RIPOR2: variants seen among roughly 807,000 people sequenced by gnomAD.
RIPOR2 encodes the protein rho family-interacting cell polarization regulator 2.
RIPOR2 carries 39 observed loss-of-function variants against 114.5 expected under a neutral mutation model. That is an observed-to-expected ratio of 0.34 (90% CI 0.26 to 0.44). RIPOR2 has a LOEUF of 0.44. RIPOR2 is among the 20% of genes least tolerant of loss of function. The pLI is 1.00. For missense variants in RIPOR2, 1,007 were observed against 1,255.1 expected (o/e 0.80, Z 2.99); for synonymous variants, 445 against 484.4 (o/e 0.92, Z 1.07).
intron 1 of RIPOR2, among the ~76,000 whole-genome samples, chr6:24,920,981 C>T (rs954645399): frequency 6.6e-6 from 1 of 152,154 alleles, no homozygotes; most frequent in African/African-American, 2.4e-5. Flanking sequence ...TTCCCCTATT[C>T]CCCCATCTTT....
intron 1 of RIPOR2, among the ~76,000 whole-genome samples, chr6:24,885,323 A>C (rs901926406): frequency 1.4e-4 from 22 of 152,126 alleles, no homozygotes; most frequent in Non-Finnish European, 3.2e-4. Context: ...CCTGGGCTCA[A>C]GCGATCCTCC....
intron 1 of RIPOR2, among the ~76,000 whole-genome samples, chr6:24,907,605 A>T (rs1769121711): frequency 6.6e-6 from 1 of 152,206 alleles, no homozygotes; most frequent in South Asian, 2.1e-4. Flanking sequence ...CAGAAGAGGG[A>T]AGAGGACATG....
chr6:25,017,043 G>A (rs1037774818), intron 1 of RIPOR2, among the ~76,000 whole-genome samples: 1 of 152,206 alleles, frequency 6.6e-6, no homozygotes, highest in Non-Finnish European at 1.5e-5. Context: ...GACTGGAACA[G>A]TGTTAAAAGA....
intron 17 of RIPOR2, among the ~76,000 whole-genome samples, chr6:24,829,225 G>A (rs1760455684): frequency 6.6e-6 from 1 of 152,096 alleles, no homozygotes; most frequent in Admixed American, 6.5e-5. Context: ...GAGGCAGGAG[G>A]ATCGCTTGAA....
intron 1 of RIPOR2, among the ~76,000 whole-genome samples, chr6:24,973,654 C>T (rs572429059): frequency 2.6e-5 from 4 of 151,032 alleles, no homozygotes; most frequent in South Asian, 2.1e-4. Context: ...ACATGTTCAT[C>T]ACAGCACCAT....
chr6:24,943,981 C>T (rs1005193626), intron 1 of RIPOR2, among the ~76,000 whole-genome samples: 3 of 151,996 alleles, frequency 2.0e-5, no homozygotes, highest in African/African-American at 2.4e-5. Context: ...ATACTGCAGC[C>T]GCCTAAGTCA....
intron 1 of RIPOR2, among the ~76,000 whole-genome samples, chr6:24,879,730 C>A (rs993459221): frequency 1.3e-5 from 2 of 152,180 alleles, no homozygotes; most frequent in African/African-American, 2.4e-5. Context: ...ACTATTCTTC[C>A]AGCTTCCCCA....
At chr6:24,961,715 C>T (rs1050965111) in intron 1 of RIPOR2, among the ~76,000 whole-genome samples, 10 of 151,866 alleles carry the variant, frequency 6.6e-5, no homozygotes, top group African/African-American at 2.4e-4. Flanking sequence ...ACCTCTGCCT[C>T]CCAGGTTCAA....
At position 24,935,903 on chromosome 6, in the gene RIPOR2, G is replaced by C. The variant is rs1771775270; in HGVS notation, c.-5C>G. Reference sequence around the variant, plus strand: ...CTCAGCATCAAAAAACTGCATCTTGGAGAGGACAGGCGCGAGAAGCAGCAG... The same window carrying C: ...CTCAGCATCAAAAAACTGCATCTTGCAGAGGACAGGCGCGAGAAGCAGCAG... On this transcript the variant is annotated 5_prime_UTR_variant, in exon 1 of 22. Coordinates refer to ENST00000643898, the MANE Select transcript of RIPOR2 (RefSeq NM_001286445.3). 2 of 1,534,652 alleles carry C rather than the reference G, an allele frequency of 1.3e-6. No individual in the cohort carries two copies. Among genetic ancestry groups the C allele is most frequent in the Non-Finnish European group, 1.7e-6 (2 of 1,146,002 alleles).
At chr6:24,942,875 C>G (rs568457034) in intron 1 of RIPOR2, among the ~76,000 whole-genome samples, 20 of 152,280 alleles carry the variant, frequency 1.3e-4, no homozygotes, top group Non-Finnish European at 2.4e-4. Context: ...CCTGTTCACT[C>G]TGATGGTAGT....
At chr6:24,963,397 C>T (rs1370593484) in intron 1 of RIPOR2, among the ~76,000 whole-genome samples, 1 of 152,148 alleles carries the variant, frequency 6.6e-6, no homozygotes, top group African/African-American at 2.4e-5. Context: ...TAATCCACAC[C>T]TAGAAGAGGA....
At chr6:25,002,822 AC>A (rs1775379887) in intron 1 of RIPOR2, among the ~76,000 whole-genome samples, 1 of 152,222 alleles carries the variant, frequency 6.6e-6, no homozygotes, top group South Asian at 2.1e-4. Flanking sequence ...CGTCATGGTG[AC>A]AATTGCCTGA....
intron 1 of RIPOR2, among the ~76,000 whole-genome samples, chr6:25,011,187 G>A (rs1206826893): frequency 6.6e-6 from 1 of 152,028 alleles, no homozygotes; most frequent in Non-Finnish European, 1.5e-5. Context: ...CAGAAATGGT[G>A]GTTACATGTT....
Position 24,828,166 on chromosome 6 carries a change from T to G in RIPOR2, c.2636A>C (p.Glu879Ala), listed in dbSNP as rs1760346995. 4 of 1,550,300 alleles carry G rather than the reference T, an allele frequency of 2.6e-6. No individual in the cohort carries two copies. The East Asian group carries it at 9.8e-5, about 38-fold the overall frequency. The change falls in exon 18 of 22, where the codon GAG becomes GCG. Residue 879 changes from glutamate to alanine, a missense_variant. Glu to Ala is a moderately radical substitution (Grantham distance 107). Transcript: ENST00000643898. ...YFTSHGVSDL[E>A]SYLSQLARQV... is the part of the protein sequence containing the mutation. Reference sequence around the variant, plus strand: ...CCTGGCCAGCTGGCTCAGGTAACTCTCCAGGTCACTGACGCCGTGGCTGGT... The same window carrying G: ...CCTGGCCAGCTGGCTCAGGTAACTCGCCAGGTCACTGACGCCGTGGCTGGT...
Position 25,038,041 on chromosome 6 carries a change from A to G in RIPOR2, c.76+3810T>C, listed in dbSNP as rs1333148605. Among the ~76,000 whole-genome samples the G allele has an allele frequency of 2.6e-5, 4 of 152,256 alleles. No individual in the cohort carries two copies. In the East Asian group the frequency reaches 5.8e-4, roughly 22 times the overall value. Reference sequence around the variant, plus strand: ...TTTAAATGTTTCAACAGGAAATTAGATGAAGCAAATATGGCAAAATGTTAA... The same window carrying G: ...TTTAAATGTTTCAACAGGAAATTAGGTGAAGCAAATATGGCAAAATGTTAA... On this transcript the variant is annotated intron_variant, in intron 1 of 13. Coordinates refer to the RIPOR2 transcript ENST00000510784.
At chr6:25,003,278 C>T (rs901364274) in intron 1 of RIPOR2, among the ~76,000 whole-genome samples, 2 of 151,876 alleles carry the variant, frequency 1.3e-5, no homozygotes, top group African/African-American at 4.8e-5. Context: ...TTGACTTCAG[C>T]CTTTGAGAGT....
chr6:24,950,794 C>T (rs184821884), intron 1 of RIPOR2, among the ~76,000 whole-genome samples: 99 of 152,266 alleles, frequency 6.5e-4, no homozygotes, highest in Admixed American at 2.9e-3. Context: ...ATCTAACAGG[C>T]GAGGTGGATG....
chr6:24,859,836 C>T (rs1406956149), intron 8 of RIPOR2, among the ~76,000 whole-genome samples: 2 of 152,130 alleles, frequency 1.3e-5, no homozygotes, highest in Non-Finnish European at 2.9e-5. Context: ...CCCTTAATTG[C>T]AGAAAGTAGA....
chr6:24,967,672 A>T (rs1050772857), intron 1 of RIPOR2, among the ~76,000 whole-genome samples: 1 of 152,236 alleles, frequency 6.6e-6, no homozygotes, highest in Non-Finnish European at 1.5e-5. Context: ...AAGTTACAGG[A>T]TGAATTAAAG....
Sources: gnomAD v4.1 joint callset for allele counts (sites outside exome capture counted in the v4.1 genomes callset) on GRCh38, gnomAD v4.1.1 for gene constraint, MANE v1.5 for transcripts, NCBI Gene and HGNC (gene_info 2026-07-23, HGNC 2026-07-21) for gene names.